Variants in TGFBR2 observed in about 807,000 individuals in gnomAD.
The protein encoded by TGFBR2 is TGF-beta receptor type-2.
In TGFBR2, 18 loss-of-function variants were observed where a neutral mutation model predicts 49.0. That is an observed-to-expected ratio of 0.37 (90% CI 0.25 to 0.54). The LOEUF (loss-of-function observed/expected upper bound fraction) is 0.54. TGFBR2 is among the 20% of genes least tolerant of loss of function. The pLI is 0.85. For synonymous variants in TGFBR2, 282 were observed against 275.9 expected (o/e 1.02, Z -0.22); for missense variants, 525 against 722.6 (o/e 0.73, Z 3.13).
intron 3 of TGFBR2, among the ~76,000 whole-genome samples, chr3:30,659,092 G>A (rs1699061504): frequency 6.6e-6 from 1 of 152,214 alleles, no homozygotes; most frequent in Non-Finnish European, 1.5e-5. Flanking sequence ...AGTAAATGGT[G>A]TTTTGGTAGC....
Position 30,644,676 on chromosome 3 carries a change from A to G in TGFBR2, c.95-71A>G, listed in dbSNP as rs1334461428. 4.2e-6 allele frequency: 6 copies of G among 1,438,872 alleles called. No individual in the cohort carries two copies. In the Admixed American group the frequency reaches 5.4e-5, roughly 13 times the overall value. 89.1% of individuals were successfully genotyped at this position (1,438,872 alleles called of 1,614,324 possible). ...TCAAGTTCATTTGAAATTGCATAAC[A>G]TCTTCAGGAATTCATTGGCAGGCTG... On this transcript the variant is annotated intron_variant, in intron 1 of 6. Coordinates refer to ENST00000295754, the MANE Select transcript of TGFBR2 (RefSeq NM_003242.6).
At chr3:30,661,415 T>C (rs528781825) in intron 3 of TGFBR2, 8 of 358,776 alleles carry the variant, frequency 2.2e-5, no homozygotes, top group South Asian at 1.7e-4. Flanking sequence ...AGCAGGAATC[T>C]ATATCCTAAG....
chr3:30,677,396 T>C (rs1699459594), intron 5 of TGFBR2, among the ~76,000 whole-genome samples: 1 of 152,116 alleles, frequency 6.6e-6, no homozygotes, highest in Non-Finnish European at 1.5e-5. Flanking sequence ...CCATCCCAGT[T>C]CTCATTTCGT....
chr3:30,679,634 A>G (rs1297222493), intron 5 of TGFBR2, among the ~76,000 whole-genome samples: 2 of 152,234 alleles, frequency 1.3e-5, no homozygotes, highest in Non-Finnish European at 2.9e-5. Context: ...TGCTCCACAC[A>G]TCAACTCATT....
At position 30,650,325 on chromosome 3, in the gene TGFBR2, C is replaced by G. The variant is rs1698856374; in HGVS notation, c.319C>G (p.Pro107Ala). 1 of 1,614,056 alleles carries G rather than the reference C, an allele frequency of 6.2e-7. No individual in the cohort carries two copies. The part of the protein sequence containing the change: ...LETVCHDPKL[P>A]YHDFILEDAA... ...GACAGTTTGCCATGACCCCAAGCTCCCCTACCATGACTTTATTCTGGAAGA... is the reference window on the plus strand; with the variant it reads ...GACAGTTTGCCATGACCCCAAGCTCGCCTACCATGACTTTATTCTGGAAGA... The change falls in exon 3 of 7, where the codon CCC (proline) becomes GCC (alanine). Residue 107 changes from proline (P) to alanine (A), a missense_variant. Pro to Ala is a conservative substitution (Grantham distance 27, BLOSUM62 -1). Coordinates refer to ENST00000295754, the MANE Select transcript of TGFBR2 (RefSeq NM_003242.6).
chr3:30,656,977 T>C (rs747146954), intron 3 of TGFBR2, among the ~76,000 whole-genome samples: 2 of 152,214 alleles, frequency 1.3e-5, no homozygotes, highest in African/African-American at 2.4e-5. Context: ...AGGTGTGTTG[T>C]CTTGTTTCAT....
intron 1 of TGFBR2, among the ~76,000 whole-genome samples, chr3:30,612,018 T>C (rs1157301284): frequency 6.6e-6 from 1 of 152,340 alleles, no homozygotes; most frequent in Non-Finnish European, 1.5e-5. Context: ...CTCTCTACTT[T>C]CCTGGTAATA....
At chr3:30,618,048 C>G (rs1314872395) in intron 1 of TGFBR2, among the ~76,000 whole-genome samples, 1 of 152,118 alleles carries the variant, frequency 6.6e-6, no homozygotes, top group Non-Finnish European at 1.5e-5. Context: ...TTGACTCTTC[C>G]TAAGCCGTTT....
chr3:30,634,683 G>T (rs1424136740), intron 1 of TGFBR2, among the ~76,000 whole-genome samples: 1 of 152,192 alleles, frequency 6.6e-6, no homozygotes, highest in Admixed American at 6.5e-5. Context: ...CCATCACCAA[G>T]AGAGTTATTT....
chr3:30,667,963 T>C (rs887788644), intron 3 of TGFBR2, among the ~76,000 whole-genome samples: 1 of 152,164 alleles, frequency 6.6e-6, no homozygotes, highest in African/African-American at 2.4e-5. Flanking sequence ...AAGGGCCAGA[T>C]AGTAAATATT....
chr3:30,612,813 G>C (rs1489934531), intron 1 of TGFBR2, among the ~76,000 whole-genome samples: 1 of 152,192 alleles, frequency 6.6e-6, no homozygotes, highest in African/African-American at 2.4e-5. Context: ...GAAGGGGACA[G>C]TTTGACTTTT....
Position 30,692,225 on chromosome 3 carries a change from C to T in TGFBR2, c.*626C>T, listed in dbSNP as rs1699723222. 1 of 228,560 alleles carries T rather than the reference C, an allele frequency of 4.4e-6. No homozygotes were observed. Among genetic ancestry groups the T allele is most frequent in the African/African-American group, 2.2e-5 (1 of 45,054 alleles). 14.2% of individuals were successfully genotyped at this position (228,560 alleles called of 1,614,324 possible). On this transcript the variant is annotated 3_prime_UTR_variant, in exon 7 of 7. Coordinates refer to ENST00000295754, the MANE Select transcript of TGFBR2 (RefSeq NM_003242.6). ...TAGCACTTCTCTTCTGGCCATGGAA[C>T]TAAGTACAGTGGCACTGTTTGAGGA...
At position 30,606,928 on chromosome 3, in the gene TGFBR2, C is replaced by T; in HGVS notation, c.45C>T (p.Val15=). ...GGGGCCTGTGGCCGCTGCACATCGT[C>T]CTGTGGACGCGTATCGCCAGCACGA... The part of the protein sequence containing the change: ...LLRGLWPLHI[V]LWTRIASTIP... The change falls in exon 1 of 7, where the codon GTC becomes GTT. Residue 15 remains valine (V), a synonymous_variant. Transcript: ENST00000295754. The T allele has an allele frequency of 6.2e-7, 1 of 1,601,188 alleles. No homozygotes were observed. The highest frequency in any genetic ancestry group is 8.5e-7 in the Non-Finnish European group (1 of 1,174,030).
chr3:30,685,277 T>C (rs1699601417), intron 5 of TGFBR2, among the ~76,000 whole-genome samples: 1 of 152,232 alleles, frequency 6.6e-6, no homozygotes, highest in Non-Finnish European at 1.5e-5. Context: ...ATGTTCTTCC[T>C]GGTTTAGTAA....
chr3:30,619,974 T>G (rs1199468161), intron 1 of TGFBR2, among the ~76,000 whole-genome samples: 2 of 152,052 alleles, frequency 1.3e-5, no homozygotes, highest in African/African-American at 4.8e-5. Flanking sequence ...GATCACGAAG[T>G]CAGGAGATCG....
intron 3 of TGFBR2, among the ~76,000 whole-genome samples, chr3:30,653,320 C>T (rs1008773747): frequency 3.6e-5 from 5 of 140,452 alleles, no homozygotes; most frequent in African/African-American, 8.0e-5. Flanking sequence ...GGTGCAGTCT[C>T]GGCTCACTGC....
chr3:30,688,299 C>T (rs1699657996), intron 5 of TGFBR2, 85 bp from the exon 6 acceptor site: 2 of 1,585,842 alleles, frequency 1.3e-6, no homozygotes, highest in Non-Finnish European at 1.7e-6. Context: ...CTTCATGCTC[C>T]CCAGCCAGGC....
chr3:30,627,579 C>T (rs1230416947), intron 1 of TGFBR2, among the ~76,000 whole-genome samples: 1 of 151,840 alleles, frequency 6.6e-6, no homozygotes, highest in African/African-American at 2.4e-5. Context: ...ATGTAATTAT[C>T]TCTCTAAGAT....
intron 3 of TGFBR2, among the ~76,000 whole-genome samples, chr3:30,659,260 A>G (rs990182673): frequency 5.3e-5 from 8 of 152,198 alleles, no homozygotes; most frequent in Non-Finnish European, 7.3e-5. Flanking sequence ...TGGTTGAGAA[A>G]AGTTGTTAGA....
Sources: allele counts gnomAD v4.1 joint callset (sites outside exome capture counted in the v4.1 genomes callset), GRCh38; gene constraint gnomAD v4.1.1; transcripts MANE v1.5; gene names NCBI Gene and HGNC (gene_info 2026-07-23, HGNC 2026-07-21).